The following KIF13A variants were observed in gnomAD, a reference collection of about 807,000 sequenced individuals.
The protein encoded by KIF13A is kinesin family member 13A, also known as kinesin-like protein KIF13A.
In KIF13A, 79 loss-of-function variants were observed where a neutral mutation model predicts 212.2. That is an observed-to-expected ratio of 0.37 (90% CI 0.31 to 0.45). KIF13A has a LOEUF of 0.45. KIF13A is among the 20% of genes least tolerant of loss of function. KIF13A has a pLI of 1.00. For synonymous variants in KIF13A, 789 were observed against 808.6 expected (o/e 0.98, Z 0.41); for missense variants, 1,901 against 2,209.0 (o/e 0.86, Z 2.79).
chr6:17,845,180 T>C (rs1390451222), intron 9 of KIF13A, among the ~76,000 whole-genome samples: 3 of 152,174 alleles, frequency 2.0e-5, no homozygotes, highest in Non-Finnish European at 4.4e-5. Flanking sequence ...GTGAGACTTA[T>C]TCACGACCAT....
Position 17,785,527 on chromosome 6 carries a change from G to A in KIF13A, c.3476C>T (p.Ala1159Val). The A allele has an allele frequency of 6.3e-7, 1 of 1,581,212 alleles. No homozygotes were observed. The highest frequency in any genetic ancestry group is 8.6e-7 in the Non-Finnish European group (1 of 1,165,558). ...AGGGCAGCCTTACCAGTCGGCAGGT[G>A]CCCCAGGAATCCCACTGCCTGGGGC... ...VPAPGSGIPG[A>V]PADWIPPPGM... is the part of the protein sequence containing the mutation. Residue 1159 changes from alanine (A) to valine (V), a missense_variant, in exon 28 of 39, where the codon GCA becomes GTA. This residue lies in a region of KIF13A where 168 missense variants were observed against 250.9 expected (regional missense o/e 0.67). Transcript: ENST00000259711. This position sits in a 1 kb window ranked among gnomAD's most constrained non-coding sequence, Gnocchi z 5.8.
At chr6:17,977,967 AAAG>A (rs1353244099) in intron 2 of KIF13A, among the ~76,000 whole-genome samples, 1 of 152,254 alleles carries the variant, frequency 6.6e-6, no homozygotes, top group East Asian at 1.9e-4. Flanking sequence ...AACTTTTAAA[AAAG>A]ATACGATTGC....
intron 18 of KIF13A, among the ~76,000 whole-genome samples, chr6:17,807,927 A>G (rs1581370225): frequency 1.3e-5 from 2 of 152,230 alleles, no homozygotes; most frequent in East Asian, 3.8e-4. Flanking sequence ...GATAAACAAC[A>G]ACAGCAACAA....
At chr6:17,808,022 A>C (rs556392758) in intron 18 of KIF13A, among the ~76,000 whole-genome samples, 18 of 152,342 alleles carry the variant, frequency 1.2e-4, no homozygotes, top group Non-Finnish European at 2.1e-4. Flanking sequence ...AGACGCTTGC[A>C]AAGAGAGCCG....
At chr6:17,832,755 T>C (rs1024340795) in intron 12 of KIF13A, among the ~76,000 whole-genome samples, 2 of 151,802 alleles carry the variant, frequency 1.3e-5, no homozygotes, top group Non-Finnish European at 2.9e-5. Flanking sequence ...CTCACACTTG[T>C]AATCCTAGCA....
In KIF13A at chr6:17,918,307, A is replaced by T. The variant is rs527291978; in HGVS notation, c.147-20127T>A. On this transcript the variant is annotated intron_variant, in intron 2 of 38. Transcript: ENST00000259711. This position sits in a 1 kb window ranked among gnomAD's most constrained non-coding sequence, Gnocchi z 4.8. ...GAATAAATACATACATGCATAAAAA[A>T]TAGTCTCAGAACTGTAGACCAAAAG... Among the ~76,000 whole-genome samples the T allele has an allele frequency of 5.8e-4, 88 of 152,308 alleles. 1 individual carries two copies. In the South Asian group the frequency reaches 0.017, roughly 30 times the overall value.
rs776942821 is a variant in KIF13A at position 17,849,430 on chromosome 6, T to C, written c.777A>G (p.Val259=). ...GCTCTCCTGCAGCTCCTGTTTTAGA[T>C]ACTCTTTCGCTACCCGCCAGGTCTA... ...SLVDLAGSER[V]SKTGAAGERL... Residue 259 remains valine, a synonymous_variant, in exon 9 of 39, where the codon GTA becomes GTG. Transcript: ENST00000259711. The surrounding 1 kb of genome is among the most constrained non-coding windows in gnomAD (Gnocchi z 5.7). The C allele has an allele frequency of 5.0e-6, 8 of 1,613,648 alleles. No individual in the cohort carries two copies. Among genetic ancestry groups the C allele is most frequent in the Admixed American group, 1.7e-5 (1 of 59,956 alleles).
chr6:17,886,217 G>A lies in KIF13A; in HGVS notation c.159+11951C>T, dbSNP rs1342301217. Reference sequence around the variant, plus strand: ...ATGAGCAATCTCTGGGTCTGGCTCAGAACTTCTGGACCAAGACCTCATTTC... The same window carrying A: ...ATGAGCAATCTCTGGGTCTGGCTCAAAACTTCTGGACCAAGACCTCATTTC... On this transcript the variant is annotated intron_variant, in intron 3 of 38. Coordinates refer to ENST00000259711, the MANE Select transcript of KIF13A (RefSeq NM_022113.6). This position sits in a 1 kb window ranked among gnomAD's most constrained non-coding sequence, Gnocchi z 5.6. Among the ~76,000 whole-genome samples the A allele has an allele frequency of 6.6e-6, 1 of 152,160 alleles. No individual in the cohort carries two copies. The highest frequency in any genetic ancestry group is 2.4e-5 in the African/African-American group (1 of 41,428).
intron 16 of KIF13A, among the ~76,000 whole-genome samples, chr6:17,821,442 G>A (rs7749814): frequency 0.53 from 79,959 of 151,926 alleles, 21,265 homozygotes; most frequent in South Asian, 0.59. Flanking sequence ...CAAAGCCATC[G>A]ATAACAGCAG....
intron 2 of KIF13A, among the ~76,000 whole-genome samples, chr6:17,908,817 T>C (rs1773765839): frequency 6.6e-6 from 1 of 152,230 alleles, no homozygotes; most frequent in Non-Finnish European, 1.5e-5. Context: ...TTTGGTATAT[T>C]TGAACTACTT....
rs759509689 is a variant in KIF13A, at chr6:17,796,742, G to A, written c.2869C>T (p.Arg957Trp). Residue 957 changes from arginine to tryptophan, a missense_variant, in exon 23 of 39, where the codon CGG becomes TGG. This residue lies in a region of KIF13A where 534 missense variants were observed against 536.9 expected (regional missense o/e 0.99). Transcript: ENST00000259711. ...GALAIEVWGH[R>W]CAGNGSSIWE... ...ATGGAGCTGCCATTTCCAGCACACC[G>A]GTGGCCCCATACTTCAATGGCCAGT... 5 of 1,592,996 alleles carry A rather than the reference G, an allele frequency of 3.1e-6. No individual in the cohort carries two copies. The highest frequency in any genetic ancestry group is 2.3e-5 in the South Asian group (2 of 88,330).
Position 17,764,821 on chromosome 6 carries a change from C to A in KIF13A, c.4707G>T (p.Trp1569Cys). ...VYNASLENRE[W>C]FSSKVDLSNS... ...TTGACAGATCTACTTTAGAGGAAAA[C>A]CATTCCCTGTTCTCCAAGCTGGCAT... The change falls in exon 39 of 39, where the codon TGG becomes TGT. Residue 1569 changes from tryptophan to cysteine, a missense_variant. This residue lies in a region of KIF13A where 687 missense variants were observed against 759.1 expected (regional missense o/e 0.90). Transcript: ENST00000259711. The surrounding 1 kb of genome is among the most constrained non-coding windows in gnomAD (Gnocchi z 5.1). 6.2e-7 allele frequency: 1 copy of A among 1,613,652 alleles called. No individual in the cohort carries two copies. The highest frequency in any genetic ancestry group is 8.5e-7 in the Non-Finnish European group (1 of 1,179,726).
chr6:17,976,377 G>A (rs1223270532), intron 2 of KIF13A, among the ~76,000 whole-genome samples: 1 of 152,234 alleles, frequency 6.6e-6, no homozygotes, highest in Non-Finnish European at 1.5e-5. Context: ...CGCAGCGCCG[G>A]TGGGCCGGCA....
At chr6:17,929,171 C>A (rs539303275) in intron 2 of KIF13A, among the ~76,000 whole-genome samples, 2 of 149,750 alleles carry the variant, frequency 1.3e-5, no homozygotes, top group Non-Finnish European at 3.0e-5. Context: ...AGGCTAAAAA[C>A]GAAATTCTTA....
At chr6:17,845,037 A>C (rs1448195878) in intron 9 of KIF13A, among the ~76,000 whole-genome samples, 2 of 152,196 alleles carry the variant, frequency 1.3e-5, no homozygotes, top group African/African-American at 2.4e-5. Context: ...AAGAGGTTTA[A>C]TGGACTCACA....
chr6:17,790,539 T>C (rs6939022), intron 25 of KIF13A, among the ~76,000 whole-genome samples: 41,599 of 152,116 alleles, frequency 0.27, 5,986 homozygotes, highest in South Asian at 0.4. Context: ...AGATTTGAGA[T>C]AGGCTTAGGA....
At chr6:17,766,522 G>A (rs896606897) in intron 38 of KIF13A, among the ~76,000 whole-genome samples, 19 of 152,068 alleles carry the variant, frequency 1.2e-4, no homozygotes, top group African/African-American at 4.3e-4. Flanking sequence ...ACAGGCATGA[G>A]ACACCGTGCC....
chr6:17,760,604 T>C, downstream of KIF13A: 1 of 576,390 alleles, frequency 1.7e-6, no homozygotes, highest in Non-Finnish European at 3.1e-6. Flanking sequence ...ACTTAGTTAA[T>C]CCAGGATTTT....
In KIF13A at chr6:17,769,319, C is replaced by T. The variant is rs1759292293; in HGVS notation, c.4581+1795G>A. ...AAAGAGCCCAATTGCCTCTTAGGTGCAGAGTGCTCAGCAAGCCAGTTTCCT... is the reference window on the plus strand; with the variant it reads ...AAAGAGCCCAATTGCCTCTTAGGTGTAGAGTGCTCAGCAAGCCAGTTTCCT... On this transcript the variant is annotated intron_variant, in intron 38 of 38. Coordinates refer to ENST00000259711, the MANE Select transcript of KIF13A (RefSeq NM_022113.6). The surrounding 1 kb of genome is among the most constrained non-coding windows in gnomAD (Gnocchi z 5.8). 6.6e-6 allele frequency among the ~76,000 whole-genome samples: 1 copy of T among 152,200 alleles called. No homozygotes were observed. The highest frequency in any genetic ancestry group is 1.5e-5 in the Non-Finnish European group (1 of 68,032).
Sources: gnomAD v4.1 joint callset for allele counts (sites outside exome capture counted in the v4.1 genomes callset) on GRCh38, gnomAD v4.1.1 for gene constraint, gnomAD v4.1.1 regional missense constraint, Gnocchi (gnomAD v3.1) non-coding constraint, MANE v1.5 for transcripts, NCBI Gene and HGNC (gene_info 2026-07-23, HGNC 2026-07-21) for gene names.